Variants in GPSM1 observed in about 807,000 individuals in gnomAD.
GPSM1 encodes G protein-signaling modulator 1.
Under a neutral mutation model 70.5 loss-of-function variants are expected in GPSM1, and 48 were observed. The ratio of observed to expected loss-of-function variants is 0.68; its 90% CI spans 0.54 to 0.87. The LOEUF (loss-of-function observed/expected upper bound fraction) is 0.87. Among genes scored for constraint, GPSM1 ranks in the 40% least tolerant of loss-of-function variants. The pLI, the probability that GPSM1 is intolerant of heterozygous loss-of-function variation, is 0.00. For synonymous variants in GPSM1, 416 were observed against 430.1 expected (o/e 0.97, Z 0.41); for missense variants, 981 against 972.6 (o/e 1.01, Z -0.11).
chr9:136,357,065 G>C lies in GPSM1; in HGVS notation c.1821+515G>C, dbSNP rs952549611. The stretch of plus-strand genomic sequence containing the variant: ...CCCCAGAGGGCAGAGCCAGGGCCGG[G>C]GCTCCAGCCTGGCAGCCACGCCAGG... On this transcript the variant is annotated intron_variant, in intron 13 of 13. Transcript: ENST00000440944. Among the ~76,000 whole-genome samples the C allele has an allele frequency of 2.8e-4, 43 of 152,340 alleles. No individual in the cohort carries two copies. The Middle Eastern group carries it at 0.014, about 48-fold the overall frequency.
intron 6 of GPSM1, among the ~76,000 whole-genome samples, chr9:136,338,286 G>A (rs1175851216): frequency 6.6e-6 from 1 of 152,224 alleles, no homozygotes; most frequent in African/African-American, 2.4e-5. Context: ...CTGAGCAGTG[G>A]GCACAGCAGT....
At chr9:136,337,367 C>T in intron 4 of GPSM1, 74 bp from the exon 5 acceptor site, 1 of 1,540,446 alleles carries the variant, frequency 6.5e-7, no homozygotes, top group Non-Finnish European at 8.8e-7. Context: ...GAGGCCGCTA[C>T]TCAGCTCTTC....
intron 7 of GPSM1, among the ~76,000 whole-genome samples, chr9:136,339,019 A>C (rs1187111493): frequency 1.3e-5 from 2 of 152,170 alleles, no homozygotes; most frequent in Non-Finnish European, 2.9e-5. Context: ...CAGGCCCCTA[A>C]GTACTGTCTT....
chr9:136,355,663 G>A, intron 11 of GPSM1, 27 bp from the exon 12 acceptor site: 1 of 1,606,796 alleles, frequency 6.2e-7, no homozygotes, highest in Non-Finnish European at 8.5e-7. Context: ...GCTAGCTTTG[G>A]CTGCGGTGAC....
rs549464612 is a variant in GPSM1 at position 136,345,846 on chromosome 9, C to T, written c.1208-2851C>T. On this transcript the variant is annotated intron_variant, in intron 9 of 13. Coordinates refer to ENST00000440944, the MANE Select transcript of GPSM1 (RefSeq NM_001145638.3). ...CAGCTGTCCTCAGAGCTACCTTGCT[C>T]ATCTGGGTGGGGGTGGGCAGCTGGT... Among the ~76,000 whole-genome samples the T allele has an allele frequency of 2.0e-3, 305 of 152,276 alleles. 1 individual carries two copies. The highest frequency in any genetic ancestry group is 7.0e-3 in the African/African-American group (290 of 41,560).
chr9:136,345,084 A>AC (rs1472743427), intron 9 of GPSM1, among the ~76,000 whole-genome samples: 7 of 152,144 alleles, frequency 4.6e-5, no homozygotes, highest in Non-Finnish European at 1.0e-4. Context: ...GCGTGAAGGA[A>AC]CCGTGGGCAG....
At position 136,348,683 on chromosome 9, in the gene GPSM1, C is replaced by T; in HGVS notation, c.1208-14C>T. 1 of 1,604,932 alleles carries T rather than the reference C, an allele frequency of 6.2e-7. No homozygotes were observed. Among genetic ancestry groups the T allele is most frequent in the Non-Finnish European group, 8.5e-7 (1 of 1,175,014 alleles). The stretch of plus-strand genomic sequence containing the variant: ...CAGGGTGGTGCTGGGCTGACCGGGT[C>T]CCTCTGTCTTCAGGGGCCAGACCCA... On this transcript the variant is annotated splice_polypyrimidine_tract_variant and intron_variant, in intron 9 of 13. Coordinates refer to ENST00000440944, the MANE Select transcript of GPSM1 (RefSeq NM_001145638.3).
chr9:136,341,511 C>A lies in GPSM1; in HGVS notation c.1207+518C>A. The A allele has an allele frequency of 8.2e-7, 1 of 1,226,160 alleles. No individual in the cohort carries two copies. The highest frequency in any genetic ancestry group is 1.0e-6 in the Non-Finnish European group (1 of 977,778). 76.0% of individuals were successfully genotyped at this position (1,226,160 alleles called of 1,614,324 possible). A position where few individuals can be genotyped will look rare whatever the true frequency, so the allele number is the denominator to read the frequency against. ...CGTCCCATGCCGGTCAGCAGTGCTG[C>A]AGACACAGGACAGAACGTCCCCTGC... On this transcript the variant is annotated intron_variant, in intron 9 of 13. Coordinates refer to ENST00000440944, the MANE Select transcript of GPSM1 (RefSeq NM_001145638.3). The surrounding 1 kb of genome is among the most constrained non-coding windows in gnomAD (Gnocchi z 6.7).
At chr9:136,354,395 G>A (rs540248150) in intron 11 of GPSM1, among the ~76,000 whole-genome samples, 52 of 152,180 alleles carry the variant, frequency 3.4e-4, no homozygotes, top group Non-Finnish European at 7.1e-4. Context: ...ACAGCTGTCC[G>A]TCTCCTGGGC....
At position 136,358,932 on chromosome 9, in the gene GPSM1, A is replaced by G; in HGVS notation, c.*712A>G. ...CATTCCAAAACCCCAAGCCAGGAAA[A>G]AGGGCAGGGCCTGGTCCTAGGGATG... On this transcript the variant is annotated 3_prime_UTR_variant, in exon 14 of 14. Coordinates refer to ENST00000440944, the MANE Select transcript of GPSM1 (RefSeq NM_001145638.3). 1 of 152,618 alleles carries G rather than the reference A, an allele frequency of 6.6e-6. No individual in the cohort carries two copies. The highest frequency in any genetic ancestry group is 1.5e-5 in the Non-Finnish European group (1 of 68,184). 9.5% of individuals were successfully genotyped at this position (152,618 alleles called of 1,614,324 possible).
Position 136,340,923 on chromosome 9 carries a change from G to T in GPSM1, c.1137G>T (p.Gln379His), listed in dbSNP as rs374588579. The stretch of plus-strand genomic sequence containing the variant: ...CCCGCATGAACGTGGCGCAGCTGCA[G>T]CTGGTGCTCGGCCGCCTGACCAGCC... Reference protein sequence around the residue: ...LTARMNVAQLQLVLGRLTSPA... With the variant: ...LTARMNVAQLHLVLGRLTSPA... Residue 379 changes from glutamine (Q) to histidine (H), a missense_variant, in exon 9 of 14, where the codon CAG becomes CAT. Transcript: ENST00000440944. This position sits in a 1 kb window ranked among gnomAD's most constrained non-coding sequence, Gnocchi z 7.3. 91 of 1,571,036 alleles carry T rather than the reference G, an allele frequency of 5.8e-5. No individual in the cohort carries two copies. The highest frequency in any genetic ancestry group is 7.6e-5 in the Non-Finnish European group (88 of 1,159,574).
At chr9:136,348,144 G>A (rs1832567774) in intron 9 of GPSM1, among the ~76,000 whole-genome samples, 1 of 152,212 alleles carries the variant, frequency 6.6e-6, no homozygotes, top group Non-Finnish European at 1.5e-5. Context: ...CAGGAGGGAT[G>A]GACAGGAGCC....
intron 9 of GPSM1, among the ~76,000 whole-genome samples, chr9:136,348,156 G>A (rs997175659): frequency 1.3e-5 from 2 of 152,212 alleles, no homozygotes; most frequent in Non-Finnish European, 2.9e-5. Context: ...ACAGGAGCCC[G>A]GGGAAGGTCC....
intron 2 of GPSM1, among the ~76,000 whole-genome samples, chr9:136,335,049 G>T (rs542576628): frequency 6.6e-6 from 1 of 152,324 alleles, no homozygotes; most frequent in South Asian, 2.1e-4. Flanking sequence ...GCTGACAGGC[G>T]TGAGTGGGTC....
At chr9:136,348,801 G>T in intron 10 of GPSM1, 34 bp downstream of exon 10, 1 of 1,523,398 alleles carries the variant, frequency 6.6e-7, no homozygotes. Flanking sequence ...TGTCAGCACA[G>T]CCGCTGCCAG....
intron 11 of GPSM1, among the ~76,000 whole-genome samples, chr9:136,351,009 G>A (rs542936261): frequency 3.9e-5 from 6 of 152,334 alleles, no homozygotes; most frequent in East Asian, 1.9e-4. Context: ...CCGATGGGCC[G>A]AGTCCGGGTT....
At chr9:136,354,856 T>C (rs1174148275) in intron 11 of GPSM1, 16 of 1,003,080 alleles carry the variant, frequency 1.6e-5, no homozygotes, top group Non-Finnish European at 1.9e-5. Flanking sequence ...TGACACAGGG[T>C]GTGGTGGGCA....
In GPSM1 at chr9:136,340,742, G is replaced by T; in HGVS notation, c.1084-128G>T. 1.5e-6 allele frequency: 2 copies of T among 1,300,708 alleles called. No individual in the cohort carries two copies. Among genetic ancestry groups the T allele is most frequent in the South Asian group, 3.1e-5 (2 of 64,780 alleles). 80.6% of individuals were successfully genotyped at this position (1,300,708 alleles called of 1,614,324 possible). A position where few individuals can be genotyped will look rare whatever the true frequency, so the allele number is the denominator to read the frequency against. On this transcript the variant is annotated intron_variant, in intron 8 of 13. Transcript: ENST00000440944. The surrounding 1 kb of genome is among the most constrained non-coding windows in gnomAD (Gnocchi z 7.3). The stretch of plus-strand genomic sequence containing the variant: ...GTCCTGGTTCCCTCAGAGGCCCAGG[G>T]GTCAGTGACCAGTTCAGGTCACTCA...
At position 136,340,958 on chromosome 9, in the gene GPSM1, C is replaced by T. The variant is rs60980157; in HGVS notation, c.1172C>T (p.Ser391Leu). Residue 391 changes from serine to leucine, a missense_variant, in exon 9 of 14, where the codon TCA (serine) becomes TTA (leucine). Coordinates refer to ENST00000440944, the MANE Select transcript of GPSM1 (RefSeq NM_001145638.3). This position sits in a 1 kb window ranked among gnomAD's most constrained non-coding sequence, Gnocchi z 7.3. ...VLGRLTSPAA[S>L]EKPDLAGYEA... ...GGCCGCCTGACCAGCCCGGCAGCCTCAGAGAAGCCTGACCTGGCCGGCTAT... is the reference window on the plus strand; with the variant it reads ...GGCCGCCTGACCAGCCCGGCAGCCTTAGAGAAGCCTGACCTGGCCGGCTAT... 0.24 allele frequency: 369,658 copies of T among 1,562,342 alleles called. 44,984 individuals are homozygous for T. Among genetic ancestry groups the T allele is most frequent in the Admixed American group, 0.26 (13,947 of 52,728 alleles).
Sources: gnomAD v4.1 joint callset for allele counts (sites outside exome capture counted in the v4.1 genomes callset) on GRCh38, gnomAD v4.1.1 for gene constraint, Gnocchi (gnomAD v3.1) non-coding constraint, MANE v1.5 for transcripts, NCBI Gene and HGNC (gene_info 2026-07-23, HGNC 2026-07-21) for gene names.